The following PRKG1 variants were observed in gnomAD, a reference collection of about 807,000 sequenced individuals.
PRKG1 encodes protein kinase cGMP-dependent 1, also known as cGMP-dependent protein kinase 1.
A neutral mutation model predicts 88.1 loss-of-function variants in PRKG1; 35 were observed. The observed-to-expected ratio is 0.40, with a 90% confidence interval of 0.30 to 0.53. The LOEUF (loss-of-function observed/expected upper bound fraction) is 0.53, where lower values mean the gene tolerates loss of function less well. Among genes scored for constraint, PRKG1 ranks in the 20% least tolerant of loss-of-function variants. PRKG1 has a pLI of 0.59. For missense variants in PRKG1, 540 were observed against 839.8 expected (o/e 0.64, Z 4.41); for synonymous variants, 303 against 292.5 (o/e 1.04, Z -0.37).
intron 7 of PRKG1, among the ~76,000 whole-genome samples, chr10:52,063,128 G>T (rs1846276411): frequency 6.6e-6 from 1 of 152,150 alleles, no homozygotes; most frequent in South Asian, 2.1e-4. Flanking sequence ...ACTTGGCCTG[G>T]CAGGTTGCAT....
chr10:51,594,425 A>G (rs1041012209), intron 3 of PRKG1, among the ~76,000 whole-genome samples: 1 of 152,112 alleles, frequency 6.6e-6, no homozygotes, highest in Admixed American at 6.6e-5. Context: ...ATACATAATA[A>G]ATGGTTTGTT....
intron 2 of PRKG1, among the ~76,000 whole-genome samples, chr10:51,169,854 G>T (rs1197017696): frequency 6.6e-6 from 1 of 152,040 alleles, no homozygotes; most frequent in Admixed American, 6.6e-5. Flanking sequence ...GCACGTAGGA[G>T]TGGCCGTTAC....
chr10:51,608,872 G>A (rs139974105), intron 3 of PRKG1, among the ~76,000 whole-genome samples: 48 of 152,036 alleles, frequency 3.2e-4, no homozygotes, highest in African/African-American at 1.1e-3. Context: ...TTATGTCTTA[G>A]TTTTTAACAA....
intron 9 of PRKG1, among the ~76,000 whole-genome samples, chr10:52,172,865 A>G (rs7095803): frequency 0.43 from 65,820 of 152,078 alleles, 16,814 homozygotes; most frequent in Admixed American, 0.59. Flanking sequence ...AGCCTTAGTT[A>G]CTGCACAGCC....
chr10:51,343,349 G>A (rs1295236589), intron 2 of PRKG1, among the ~76,000 whole-genome samples: 3 of 152,034 alleles, frequency 2.0e-5, no homozygotes, highest in Non-Finnish European at 4.4e-5. Flanking sequence ...ATCTTTCACC[G>A]CTCTCCCACC....
At chr10:51,002,186 A>T (rs1842897018) in intron 1 of PRKG1, among the ~76,000 whole-genome samples, 1 of 152,036 alleles carries the variant, frequency 6.6e-6, no homozygotes, top group African/African-American at 2.4e-5. Flanking sequence ...TAGTAAAAAA[A>T]AAAAAGTATG....
At chr10:52,181,130 C>A (rs1169546878) in intron 9 of PRKG1, among the ~76,000 whole-genome samples, 20 of 152,098 alleles carry the variant, frequency 1.3e-4, no homozygotes. Flanking sequence ...AGTGACAGCC[C>A]TCAGGGCCAT....
chr10:52,287,521 C>T (rs1225438326), intron 14 of PRKG1, among the ~76,000 whole-genome samples: 1 of 151,910 alleles, frequency 6.6e-6, no homozygotes, highest in Admixed American at 6.6e-5. Flanking sequence ...CAGATTTCTT[C>T]CCCAAAGACA....
intron 2 of PRKG1, among the ~76,000 whole-genome samples, chr10:51,386,034 TA>T (rs1221698778): frequency 6.6e-6 from 1 of 152,182 alleles, no homozygotes; most frequent in Non-Finnish European, 1.5e-5. Context: ...TTCTTACTGA[TA>T]ATAAAAGTTA....
intron 9 of PRKG1, among the ~76,000 whole-genome samples, chr10:52,177,692 GT>G (rs1222750800): frequency 6.6e-6 from 1 of 151,988 alleles, no homozygotes; most frequent in Non-Finnish European, 1.5e-5. Flanking sequence ...GTCTGTTAAA[GT>G]TTTTGAAATT....
chr10:51,376,296 T>C (rs1842815127), intron 2 of PRKG1, among the ~76,000 whole-genome samples: 2 of 152,226 alleles, frequency 1.3e-5, no homozygotes, highest in Admixed American at 1.3e-4. Context: ...TTTTTTACAG[T>C]TTATACATAG....
At chr10:52,201,043 A>C (rs1360892066) in intron 9 of PRKG1, among the ~76,000 whole-genome samples, 1 of 152,120 alleles carries the variant, frequency 6.6e-6, no homozygotes, top group Non-Finnish European at 1.5e-5. Flanking sequence ...GCTTTGCAGA[A>C]ACTCTTTAGT....
At chr10:51,642,453 C>T (rs1045757510) in intron 3 of PRKG1, among the ~76,000 whole-genome samples, 2 of 152,080 alleles carry the variant, frequency 1.3e-5, no homozygotes, top group Non-Finnish European at 2.9e-5. Context: ...CATTATGCAC[C>T]ATTAGTCCTG....
At chr10:51,011,246 G>T (rs1006304731) in intron 1 of PRKG1, among the ~76,000 whole-genome samples, 3 of 151,866 alleles carry the variant, frequency 2.0e-5, no homozygotes, top group Non-Finnish European at 2.9e-5. Context: ...AGAGAGTGCT[G>T]TCCTGTGTAT....
chr10:51,325,703 T>A (rs749114717), intron 2 of PRKG1, among the ~76,000 whole-genome samples: 6 of 152,210 alleles, frequency 3.9e-5, no homozygotes, highest in Non-Finnish European at 7.3e-5. Flanking sequence ...CAATGTCCTA[T>A]AACGTTTCTC....
chr10:51,352,789 C>T (rs1425260935), intron 2 of PRKG1, among the ~76,000 whole-genome samples: 1 of 151,806 alleles, frequency 6.6e-6, no homozygotes, highest in Non-Finnish European at 1.5e-5. Flanking sequence ...ATCAGAAATA[C>T]CCAGAAGAGT....
rs905412092 is a variant in PRKG1, at chr10:51,076,748, G to A, written c.311+1847G>A. On this transcript the variant is annotated intron_variant, in intron 1 of 17. Coordinates refer to ENST00000373980, the MANE Select transcript of PRKG1 (RefSeq NM_006258.4). ...TATCTAGATTGAAAAACAAACAAAC[G>A]AAAAAGGTCCAGAGTGGAAAATAAA... Among the ~76,000 whole-genome samples, 38 of 152,100 alleles carry A rather than the reference G, an allele frequency of 2.5e-4. 1 individual carries two copies. Among genetic ancestry groups the A allele is most frequent in the Admixed American group, 2.1e-3 (32 of 15,256 alleles).
chr10:51,282,522 G>A (rs984739732), intron 2 of PRKG1, among the ~76,000 whole-genome samples: 2 of 152,088 alleles, frequency 1.3e-5, no homozygotes, highest in Admixed American at 1.3e-4. Context: ...AGTTCACGAA[G>A]GAAAGCAAAC....
At chr10:51,010,220 C>T (rs1196396707) in intron 1 of PRKG1, among the ~76,000 whole-genome samples, 1 of 152,216 alleles carries the variant, frequency 6.6e-6, no homozygotes, top group African/African-American at 2.4e-5. Context: ...TACTACCCAG[C>T]GTAAATCATT....
Sources: gnomAD v4.1 joint callset for allele counts (sites outside exome capture counted in the v4.1 genomes callset) on GRCh38, gnomAD v4.1.1 for gene constraint, MANE v1.5 for transcripts, NCBI Gene and HGNC (gene_info 2026-07-23, HGNC 2026-07-21) for gene names.